The following ELMO1 variants were observed in gnomAD, a reference collection of about 807,000 sequenced individuals.
ELMO1 encodes engulfment and cell motility 1.
ELMO1 carries 26 observed loss-of-function variants against 98.9 expected under a neutral mutation model. The observed-to-expected ratio is 0.26, with a 90% CI of 0.19 to 0.36. ELMO1 has a LOEUF of 0.36. Ranked by LOEUF, ELMO1 falls within the 10% of genes least tolerant of loss-of-function variation. The probability of loss-of-function intolerance (pLI) is 1.00; values close to 1 mark genes in which losing one functional copy is unlikely to be tolerated. For synonymous variants in ELMO1, 346 were observed against 346.0 expected, an observed-to-expected ratio of 1.00 and a Z score of 0.00; for missense variants, 627 against 935.2, an observed-to-expected ratio of 0.67 and a Z score of 4.30.
intron 1 of ELMO1, among the ~76,000 whole-genome samples, chr7:37,369,561 T>C (rs551099489): frequency 6.6e-6 from 1 of 151,858 alleles, no homozygotes; most frequent in South Asian, 2.1e-4. Context: ...AGATTAACTA[T>C]TTGAATGAAA....
intron 6 of ELMO1, among the ~76,000 whole-genome samples, chr7:37,250,488 C>T (rs534310363): frequency 5.3e-5 from 8 of 151,978 alleles, no homozygotes; most frequent in South Asian, 2.1e-4. Context: ...ACTTTTCAAA[C>T]GACAGATAAT....
chr7:37,208,596 A>AT (rs34257206), intron 13 of ELMO1, among the ~76,000 whole-genome samples: 1 of 152,082 alleles, frequency 6.6e-6, no homozygotes, highest in Non-Finnish European at 1.5e-5. Flanking sequence ...GCATCTAGAG[A>AT]TTTTGCAGCC....
chr7:37,400,080 A>G (rs1803460044), intron 1 of ELMO1, among the ~76,000 whole-genome samples: 1 of 152,186 alleles, frequency 6.6e-6, no homozygotes. Flanking sequence ...ATATGGTACA[A>G]GTTTGATGTG....
intron 1 of ELMO1, chr7:37,343,278 G>A (rs963450203): frequency 6.5e-6 from 1 of 153,078 alleles, no homozygotes; most frequent in African/African-American, 2.4e-5. Context: ...CACCCTGAGA[G>A]CTCACACACA....
At chr7:37,296,782 A>G (rs1798048565) in intron 4 of ELMO1, among the ~76,000 whole-genome samples, 1 of 152,202 alleles carries the variant, frequency 6.6e-6, no homozygotes, top group Non-Finnish European at 1.5e-5. Flanking sequence ...TCATCATGTA[A>G]ATTTGTATAA....
chr7:37,293,715 TA>T (rs35978411), intron 4 of ELMO1, among the ~76,000 whole-genome samples: 2 of 65,582 alleles, frequency 3.0e-5, no homozygotes, highest in African/African-American at 1.0e-4. Flanking sequence ...GAATGATCAA[TA>T]AAAAAAAAAA....
chr7:36,954,535 A>G (rs1788281488), intron 16 of ELMO1, among the ~76,000 whole-genome samples: 1 of 152,180 alleles, frequency 6.6e-6, no homozygotes, highest in African/African-American at 2.4e-5. Context: ...CTCCCCCACA[A>G]GCACAACATA....
intron 2 of ELMO1, among the ~76,000 whole-genome samples, chr7:37,330,245 TA>T (rs1197067755): frequency 3.3e-5 from 5 of 152,360 alleles, no homozygotes; most frequent in African/African-American, 1.2e-4. Flanking sequence ...AGACATAGAT[TA>T]TAGCTTCTTA....
chr7:37,066,660 G>A (rs908153377), intron 15 of ELMO1, among the ~76,000 whole-genome samples: 6 of 152,142 alleles, frequency 3.9e-5, no homozygotes, highest in Admixed American at 6.5e-5. Flanking sequence ...ACAAAGAAAT[G>A]ATAAATGACT....
At chr7:37,022,538 T>G (rs1794331185) in intron 15 of ELMO1, among the ~76,000 whole-genome samples, 1 of 152,216 alleles carries the variant, frequency 6.6e-6, no homozygotes, top group Admixed American at 6.5e-5. Flanking sequence ...GAGCTACTTT[T>G]AAACATCCAC....
chr7:37,039,187 A>G (rs193009510), intron 15 of ELMO1, among the ~76,000 whole-genome samples: 1 of 152,248 alleles, frequency 6.6e-6, no homozygotes, highest in Admixed American at 6.5e-5. Context: ...ACAGGCTCAC[A>G]AAATGAATGG....
chr7:37,067,977 A>T (rs752646346), intron 15 of ELMO1, among the ~76,000 whole-genome samples: 4 of 152,192 alleles, frequency 2.6e-5, no homozygotes, highest in Non-Finnish European at 5.9e-5. Context: ...ATTCAGTATT[A>T]TGGAGGTACT....
At chr7:37,113,209 C>T (rs1785356694) in intron 14 of ELMO1, among the ~76,000 whole-genome samples, 1 of 152,236 alleles carries the variant, frequency 6.6e-6, no homozygotes, top group Non-Finnish European at 1.5e-5. Flanking sequence ...AACACCAGAA[C>T]TCTCTGGGCA....
intron 1 of ELMO1, among the ~76,000 whole-genome samples, chr7:37,358,163 A>G (rs1391308476): frequency 2.6e-5 from 4 of 152,214 alleles, no homozygotes; most frequent in African/African-American, 7.2e-5. Flanking sequence ...AAAAGCTGGT[A>G]AGAGGAAAAT....
At chr7:36,953,170 G>T (rs569253678) in intron 16 of ELMO1, among the ~76,000 whole-genome samples, 34 of 152,000 alleles carry the variant, frequency 2.2e-4, no homozygotes, top group Middle Eastern at 6.8e-3. Context: ...GTTTCACCAT[G>T]TTAGCCAGGA....
chr7:36,894,612 T>C (rs1300854125), intron 17 of ELMO1, among the ~76,000 whole-genome samples: 1 of 152,206 alleles, frequency 6.6e-6, no homozygotes, highest in African/African-American at 2.4e-5. Flanking sequence ...GGAGGACTTG[T>C]CACTAACAGG....
chr7:36,933,159 C>G (rs1786194161), intron 16 of ELMO1, among the ~76,000 whole-genome samples: 1 of 152,186 alleles, frequency 6.6e-6, no homozygotes, highest in Non-Finnish European at 1.5e-5. Flanking sequence ...TTATGTCACT[C>G]ACCCGTGCTT....
intron 1 of ELMO1, among the ~76,000 whole-genome samples, chr7:37,406,498 C>T (rs1430812458): frequency 1.3e-5 from 2 of 151,980 alleles, no homozygotes; most frequent in South Asian, 2.1e-4. Flanking sequence ...GGCGCGATCT[C>T]GGCTCACTGC....
At chr7:36,886,325 G>C (rs577392828) in intron 18 of ELMO1, among the ~76,000 whole-genome samples, 1 of 152,262 alleles carries the variant, frequency 6.6e-6, no homozygotes, top group African/African-American at 2.4e-5. Flanking sequence ...AGGAAGTTCT[G>C]CCTTTGGAAG....
Sources: allele counts gnomAD v4.1 joint callset (sites outside exome capture counted in the v4.1 genomes callset), GRCh38; gene constraint gnomAD v4.1.1; transcripts MANE v1.5; gene names NCBI Gene and HGNC (gene_info 2026-07-23, HGNC 2026-07-21).